Variants in TMEM255B observed in about 807,000 individuals in gnomAD.
TMEM255B encodes the protein family with sequence similarity 70, member B.
In TMEM255B, 35 loss-of-function variants were observed where a neutral mutation model predicts 34.5. The observed-to-expected ratio is 1.01, with a 90% CI of 0.77 to 1.34. The LOEUF is 1.34. Among genes scored for constraint, TMEM255B ranks in the 40% most tolerant of loss-of-function variants. TMEM255B has a pLI of 0.00. For missense variants in TMEM255B, 432 were observed against 433.2 expected, an observed-to-expected ratio of 1.00 and a Z score of 0.02; for synonymous variants, 206 against 201.2, an observed-to-expected ratio of 1.02 and a Z score of -0.20.
chr13:113,796,630 T>TGTCCTCCTGAGGTGC (rs1215578639), intron 4 of TMEM255B, among the ~76,000 whole-genome samples: 3 of 152,214 alleles, frequency 2.0e-5, no homozygotes, highest in Admixed American at 6.5e-5. Context: ...ATCGTTTCTG[T>TGTCCTCCTGAGGTGC]GTCCTCCTGA....
chr13:113,808,711 G>T, intron 8 of TMEM255B, among the ~76,000 whole-genome samples: 1 of 132,640 alleles, frequency 7.5e-6, no homozygotes, highest in East Asian at 2.4e-4. Flanking sequence ...CTAGGGGTTT[G>T]TTCTGTGGTT....
chr13:113,776,412 G>C (rs890063497), intron 3 of TMEM255B, among the ~76,000 whole-genome samples: 4 of 152,140 alleles, frequency 2.6e-5, no homozygotes, highest in Non-Finnish European at 5.9e-5. Context: ...TTTCTTAAAC[G>C]CACCTCTCTT....
At chr13:113,796,613 C>G (rs2050946019) in intron 4 of TMEM255B, among the ~76,000 whole-genome samples, 1 of 152,148 alleles carries the variant, frequency 6.6e-6, no homozygotes, top group African/African-American at 2.4e-5. Flanking sequence ...AAGTCGCAGG[C>G]CAAGGAATCG....
At chr13:113,804,800 G>A in intron 7 of TMEM255B, 85 bp from the exon 8 acceptor site, 1 of 1,281,316 alleles carries the variant, frequency 7.8e-7, no homozygotes. Flanking sequence ...CGGGGGTCGA[G>A]GGTGCTGGGC....
rs1370504133 is a variant in TMEM255B, at chr13:113,801,666, C to A, written c.523C>A (p.Pro175Thr). 3.7e-6 allele frequency: 6 copies of A among 1,609,958 alleles called. No individual in the cohort carries two copies. Among genetic ancestry groups the A allele is most frequent in the Non-Finnish European group, 5.1e-6 (6 of 1,177,746 alleles). The change falls in exon 7 of 9, where the codon CCC (proline) becomes ACC (threonine). Residue 175 changes from proline (P) to threonine (T), a missense_variant. Coordinates refer to ENST00000375353, the MANE Select transcript of TMEM255B (RefSeq NM_182614.4). ...LYACGSAEPS[P>T]AYYEFIGVSG... Reference sequence around the variant, plus strand: ...CTCTCTGTGCAGCGCAGAGCCCTCGCCCGCCTACTATGAGTTCATCGGCGT... The same window carrying A: ...CTCTCTGTGCAGCGCAGAGCCCTCGACCGCCTACTATGAGTTCATCGGCGT...
intron 4 of TMEM255B, 104 bp from the exon 5 acceptor site, chr13:113,799,228 GCCTTGGT>G: frequency 1.1e-6 from 1 of 947,130 alleles, no homozygotes; most frequent in Non-Finnish European, 1.6e-6. Flanking sequence ...GTTGGTGTTG[GCCTTGGT>G]CCTTGAGGCC....
Position 113,766,128 on chromosome 13 carries a change from G to A in TMEM255B, c.60G>A (p.Arg20=). ...GLLDPAEGLS[R]RKKTSLWFVG... is the part of the protein sequence containing the mutation. ...TCCTCCCCACAGAAGGGCTTTCGAG[G>A]AGGAAGAAGACGTCGCTCTGGTTTG... Residue 20 remains arginine (R), a synonymous_variant, in exon 2 of 9, where the codon AGG becomes AGA. Transcript: ENST00000375353. 1 of 1,614,222 alleles carries A rather than the reference G, an allele frequency of 6.2e-7. No individual in the cohort carries two copies. The highest frequency in any genetic ancestry group is 8.5e-7 in the Non-Finnish European group (1 of 1,180,050).
chr13:113,774,597 A>C (rs1486380972), intron 3 of TMEM255B, among the ~76,000 whole-genome samples: 1 of 97,232 alleles, frequency 1.0e-5, no homozygotes, highest in Admixed American at 9.4e-5. Context: ...ACAACACACA[A>C]ATGACACACA....
chr13:113,809,017 C>T (rs1594172835), intron 8 of TMEM255B, among the ~76,000 whole-genome samples: 1 of 106,204 alleles, frequency 9.4e-6, no homozygotes, highest in South Asian at 3.3e-4. Flanking sequence ...CATGGTTCCT[C>T]GGGGTTTACT....
intron 2 of TMEM255B, chr13:113,768,258 G>C (rs952289016): frequency 2.1e-6 from 1 of 468,744 alleles, no homozygotes; most frequent in Non-Finnish European, 4.4e-6. Flanking sequence ...CTCTGAGCCA[G>C]ATTTTCGGTG....
chr13:113,788,391 G>A (rs2050775940), intron 3 of TMEM255B, among the ~76,000 whole-genome samples: 1 of 147,580 alleles, frequency 6.8e-6, no homozygotes, highest in Non-Finnish European at 1.5e-5. Flanking sequence ...CGGAGGGGGT[G>A]GGGATGGGCA....
chr13:113,810,816 G>A (rs927981604), intron 8 of TMEM255B, among the ~76,000 whole-genome samples: 2 of 152,230 alleles, frequency 1.3e-5, no homozygotes, highest in East Asian at 1.9e-4. Context: ...TGTGTGAGCC[G>A]CTGAGTCAGC....
rs776404827 is a variant in TMEM255B at position 113,795,262 on chromosome 13, C to G, written c.342+25C>G. ...TGTGAGTACATTGTCATTGTGTGCA[C>G]AGTCGCTTTCCGGGGCTGAAAGAGT... On this transcript the variant is annotated intron_variant, in intron 4 of 8. Coordinates refer to ENST00000375353, the MANE Select transcript of TMEM255B (RefSeq NM_182614.4). 6 of 1,604,006 alleles carry G rather than the reference C, an allele frequency of 3.7e-6. No individual in the cohort carries two copies. The South Asian group carries it at 5.5e-5, about 15-fold the overall frequency.
intron 3 of TMEM255B, among the ~76,000 whole-genome samples, chr13:113,782,639 G>A (rs1235509392): frequency 2.8e-5 from 4 of 144,874 alleles, no homozygotes; most frequent in Admixed American, 7.0e-5. Context: ...CGTTGTCAGT[G>A]CCGGCAGCGA....
rs922295850 is a variant in TMEM255B, at chr13:113,806,959, G to C, written c.813+1931G>C. On this transcript the variant is annotated intron_variant, in intron 8 of 8. Transcript: ENST00000375353. The surrounding 1 kb of genome is among the most constrained non-coding windows in gnomAD (Gnocchi z 4.2). ...AACGTGCAGCCCAGAGCATAGCCTCGGTGGCCCATGCTGTCTTCCATCCTC... is the reference window on the plus strand; with the variant it reads ...AACGTGCAGCCCAGAGCATAGCCTCCGTGGCCCATGCTGTCTTCCATCCTC... Among the ~76,000 whole-genome samples, 3 of 152,174 alleles carry C rather than the reference G, an allele frequency of 2.0e-5. No homozygotes were observed. Among genetic ancestry groups the C allele is most frequent in the African/African-American group, 7.2e-5 (3 of 41,452 alleles).
At chr13:113,761,318 A>G (rs6602896) in intron 1 of TMEM255B, 449,392 of 984,984 alleles carry the variant, frequency 0.46, 104,329 homozygotes, top group African/African-American at 0.56. Flanking sequence ...GGCAGGAAGA[A>G]CCTGACCTCC....
chr13:113,759,544 C>G (rs1043524075), intron 1 of TMEM255B, among the ~76,000 whole-genome samples: 5 of 151,922 alleles, frequency 3.3e-5, no homozygotes, highest in South Asian at 2.1e-4. Flanking sequence ...CCCTGTCTCT[C>G]TCTCTGTCTC....
chr13:113,799,974 G>A (rs1042790766), intron 5 of TMEM255B: 99 of 1,271,832 alleles, frequency 7.8e-5, no homozygotes, highest in African/African-American at 7.0e-4. Flanking sequence ...TCCTCAGCAC[G>A]CGTGTCAGAG....
At chr13:113,788,867 C>T (rs1303880875) in intron 3 of TMEM255B, among the ~76,000 whole-genome samples, 1 of 152,152 alleles carries the variant, frequency 6.6e-6, no homozygotes, top group Non-Finnish European at 1.5e-5. Context: ...GACCACTGCA[C>T]CCGGGGGCCG....
Sources: allele counts gnomAD v4.1 joint callset (sites outside exome capture counted in the v4.1 genomes callset), GRCh38; gene constraint gnomAD v4.1.1; non-coding constraint Gnocchi (gnomAD v3.1); transcripts MANE v1.5; gene names NCBI Gene and HGNC (gene_info 2026-07-23, HGNC 2026-07-21).